CCDC73: variants seen among roughly 807,000 people sequenced by gnomAD.
The protein encoded by CCDC73 is coiled-coil domain-containing protein 73.
Under a neutral mutation model 116.5 loss-of-function variants are expected in CCDC73, and 95 were observed. The ratio of observed to expected loss-of-function variants is 0.82; its 90% CI spans 0.69 to 0.97. The LOEUF is 0.97. CCDC73 is among the 50% of genes least tolerant of loss of function. The probability of loss-of-function intolerance (pLI) is 0.00; values close to 1 mark genes in which losing one functional copy is unlikely to be tolerated. For missense variants in CCDC73, 1,066 were observed against 1,206.8 expected (o/e 0.88, Z 1.73); for synonymous variants, 398 against 401.3 (o/e 0.99, Z 0.10).
At chr11:32,711,398 C>T (rs1849898919) in intron 3 of CCDC73, among the ~76,000 whole-genome samples, 1 of 152,150 alleles carries the variant, frequency 6.6e-6, no homozygotes, top group African/African-American at 2.4e-5. Context: ...TCCAAATGCC[C>T]ATCAATCAAC....
rs778626151 is a variant in CCDC73, at chr11:32,683,611, TTTAA to T, written c.391-41_391-38del. On this transcript the variant is annotated intron_variant, in intron 6 of 17. Transcript: ENST00000335185. ...AGGGGGAAAAATCTCATTAAAATAC[TTTAA>T]TTATCTACACAAATTCCTCTGATAT... The T allele has an allele frequency of 4.1e-6, 5 of 1,212,266 alleles. No individual in the cohort carries two copies. The African/African-American group carries it at 4.5e-5, about 11-fold the overall frequency. The allele number at this position is 1,212,266 out of a possible 1,614,324, so 75.1% of individuals were successfully genotyped here.
chr11:32,726,604 C>G (rs1368314671), intron 2 of CCDC73, among the ~76,000 whole-genome samples: 3 of 152,028 alleles, frequency 2.0e-5, no homozygotes, highest in African/African-American at 7.2e-5. Context: ...TTCATATTCA[C>G]AGAACACTGC....
chr11:32,616,211 C>A, intron 14 of CCDC73, 82 bp from the exon 15 acceptor site: 1 of 1,363,414 alleles, frequency 7.3e-7, no homozygotes, highest in Non-Finnish European at 9.8e-7. Flanking sequence ...AATGTGGAAT[C>A]TGTGTTTCAG....
At chr11:32,781,126 C>A (rs1179623253) in intron 1 of CCDC73, among the ~76,000 whole-genome samples, 1 of 152,244 alleles carries the variant, frequency 6.6e-6, no homozygotes, top group Non-Finnish European at 1.5e-5. Context: ...CACAGTGAGA[C>A]CCTGTCTCAA....
At chr11:32,653,253 T>C (rs1463871578) in intron 11 of CCDC73, 26 bp from the exon 12 acceptor site, 5 of 1,426,466 alleles carry the variant, frequency 3.5e-6, no homozygotes, top group Non-Finnish European at 4.9e-6. Flanking sequence ...AATATATCAA[T>C]TTAAAAGTTT....
In CCDC73 at chr11:32,755,853, G is replaced by C. The variant is rs1273024466; in HGVS notation, c.135+4256C>G. 1.1e-4 allele frequency among the ~76,000 whole-genome samples: 14 copies of C among 128,920 alleles called. 2 individuals are homozygous for C. The highest frequency in any genetic ancestry group is 7.9e-5 in the Non-Finnish European group (5 of 63,420). 84.6% of individuals were successfully genotyped at this position (128,920 alleles called of 152,430 possible). ...TGTGTATATATCTCCATATATATGTGTGTGTATATATCTCCATATATATAT... is the reference window on the plus strand; with the variant it reads ...TGTGTATATATCTCCATATATATGTCTGTGTATATATCTCCATATATATAT... On this transcript the variant is annotated intron_variant, in intron 2 of 17. Coordinates refer to ENST00000335185, the MANE Select transcript of CCDC73 (RefSeq NM_001008391.4).
the CCDC73 span, chr11:32,830,238 A>G: frequency 9.4e-7 from 1 of 1,065,498 alleles, no homozygotes; most frequent in East Asian, 4.4e-5. Context: ...ACCTCGGCGG[A>G]CTGGGTTGGA....
chr11:32,800,359 G>A, the CCDC73 span, among the ~76,000 whole-genome samples: 48 of 152,048 alleles, frequency 3.2e-4, no homozygotes, highest in East Asian at 8.5e-3. Flanking sequence ...TTGAATTCAA[G>A]GTTGCAGTGG....
At chr11:32,759,186 T>G (rs543482128) in intron 2 of CCDC73, among the ~76,000 whole-genome samples, 10 of 148,036 alleles carry the variant, frequency 6.8e-5, no homozygotes, top group African/African-American at 2.1e-4. Context: ...AGTTTTATGG[T>G]TTTTTTTCTC....
chr11:32,799,571 C>T (rs951321896), upstream of CCDC73, among the ~76,000 whole-genome samples: 4 of 152,282 alleles, frequency 2.6e-5, no homozygotes, highest in Middle Eastern at 3.4e-3. Flanking sequence ...CTCAGACTGT[C>T]TTAATCCAGT....
At chr11:32,818,454 C>CA in the CCDC73 span, among the ~76,000 whole-genome samples, 2 of 152,216 alleles carry the variant, frequency 1.3e-5, no homozygotes, top group African/African-American at 4.8e-5. Context: ...AAGTCAAGTG[C>CA]TTAGCCAAGT....
At chr11:32,759,479 C>A (rs978370730) in intron 2 of CCDC73, among the ~76,000 whole-genome samples, 2 of 151,966 alleles carry the variant, frequency 1.3e-5, no homozygotes, top group Middle Eastern at 3.4e-3. Context: ...TACAAGCATG[C>A]GCCACCATAT....
At chr11:32,628,829 T>A (rs1349407154) in intron 14 of CCDC73, among the ~76,000 whole-genome samples, 3 of 152,166 alleles carry the variant, frequency 2.0e-5, no homozygotes, top group African/African-American at 7.2e-5. Flanking sequence ...TCACTATTTA[T>A]AATGTAATCA....
At chr11:32,755,159 T>A (rs113706263) in intron 2 of CCDC73, among the ~76,000 whole-genome samples, 4,303 of 147,700 alleles carry the variant, frequency 0.029, 79 homozygotes, top group Non-Finnish European at 0.039. Context: ...GTGCTGGGAT[T>A]ACAGGTGTGA....
chr11:32,729,604 C>A (rs1257425152), intron 2 of CCDC73, among the ~76,000 whole-genome samples: 2 of 152,162 alleles, frequency 1.3e-5, no homozygotes, highest in Admixed American at 6.5e-5. Context: ...ATCACCACAC[C>A]ATCTTCCACG....
chr11:32,620,159 T>G (rs2133226863), intron 14 of CCDC73, among the ~76,000 whole-genome samples: 1 of 152,300 alleles, frequency 6.6e-6, no homozygotes, highest in South Asian at 2.1e-4. Flanking sequence ...AGCTATCATC[T>G]ACAGCTCCAT....
intron 2 of CCDC73, among the ~76,000 whole-genome samples, chr11:32,755,528 C>T (rs1165682278): frequency 1.4e-5 from 1 of 74,038 alleles, no homozygotes; most frequent in Non-Finnish European, 2.6e-5. Flanking sequence ...AGCAAGACTC[C>T]ATCTCAAAAT....
chr11:32,645,291 C>CTTTTTTTTTTTTT (rs397689348), intron 12 of CCDC73, among the ~76,000 whole-genome samples: 26 of 121,060 alleles, frequency 2.1e-4, no homozygotes, highest in South Asian at 7.5e-4. Context: ...TTTTCTTTTT[C>CTTTTTTTTTTTTT]TTTTTTTTTT....
rs767410439 is a variant in CCDC73 at position 32,654,850 on chromosome 11, G to T, written c.768C>A (p.Leu256=). Residue 256 remains leucine, a synonymous_variant, in exon 10 of 18, where the codon CTC becomes CTA. Coordinates refer to ENST00000335185, the MANE Select transcript of CCDC73 (RefSeq NM_001008391.4). ...EQKFQELQER[L]NMELELNEKI... ...AATACATTTAATAAAATACCATGTT[G>T]AGTCTTTCTTGAAGTTCTTGAAATT... 1 of 1,507,440 alleles carries T rather than the reference G, an allele frequency of 6.6e-7. No individual in the cohort carries two copies. Among genetic ancestry groups the T allele is most frequent in the South Asian group, 1.2e-5 (1 of 81,552 alleles). 93.4% of individuals were successfully genotyped at this position (1,507,440 alleles called of 1,614,324 possible). A position where few individuals can be genotyped will look rare whatever the true frequency, so the allele number is the denominator to read the frequency against.
Sources: gnomAD v4.1 joint callset for allele counts (sites outside exome capture counted in the v4.1 genomes callset) on GRCh38, gnomAD v4.1.1 for gene constraint, MANE v1.5 for transcripts, NCBI Gene and HGNC (gene_info 2026-07-23, HGNC 2026-07-21) for gene names.